Variants in NBAS observed in about 807,000 individuals in gnomAD.
NBAS encodes the protein NAG/BC035112 fusion.
Under a neutral mutation model 302.5 loss-of-function variants are expected in NBAS, and 219 were observed. That is an observed-to-expected ratio of 0.72 (90% confidence interval 0.65 to 0.81). The LOEUF (loss-of-function observed/expected upper bound fraction) is 0.81. Among genes scored for constraint, NBAS ranks in the 30% least tolerant of loss-of-function variants. NBAS has a pLI of 0.00. For missense variants in NBAS, 2,932 were observed against 2,841.6 expected, an observed-to-expected ratio of 1.03 and a Z score of -0.72; for synonymous variants, 1,118 against 1,021.6, an observed-to-expected ratio of 1.09 and a Z score of -1.80.
chr2:14,801,643 T>G, the NBAS span, among the ~76,000 whole-genome samples: 1 of 152,152 alleles, frequency 6.6e-6, no homozygotes, highest in Non-Finnish European at 1.5e-5. Context: ...TTCAATGTTT[T>G]TTTCCTTTTA....
intron 43 of NBAS, 106 bp downstream of exon 43, chr2:15,276,745 T>C: frequency 6.4e-7 from 1 of 1,551,116 alleles, no homozygotes; most frequent in East Asian, 2.3e-5. Context: ...AATTCTGTGG[T>C]TTCAGAGCTC....
At chr2:15,194,041 T>C (rs1265234256) in intron 48 of NBAS, among the ~76,000 whole-genome samples, 1 of 150,604 alleles carries the variant, frequency 6.6e-6, no homozygotes, top group Admixed American at 6.6e-5. Context: ...CCAGACCTAG[T>C]ATTTCCCAAT....
Position 15,330,669 on chromosome 2 carries a change from T to A in NBAS, c.4276A>T (p.Lys1426Ter). 1.2e-6 allele frequency: 2 copies of A among 1,614,124 alleles called. No homozygotes were observed. Among genetic ancestry groups the A allele is most frequent in the Non-Finnish European group, 1.7e-6 (2 of 1,179,970 alleles). The change falls in exon 36 of 52, where the codon AAA (lysine) becomes TAA (stop). Residue 1426 changes from lysine to a stop codon, truncating the protein, a stop_gained. Coordinates refer to ENST00000281513, the MANE Select transcript of NBAS (RefSeq NM_015909.4). LOFTEE classifies it high-confidence loss of function. ...TCACTGACGGCCTGCAGCACCGCTT[T>A]GGTGGTGGTTGTGGTGTTGGAAAGG... ...KVLSNTTTTTKAVLQAVSDGQ... is the reference protein window; with the variant it reads ...KVLSNTTTTT
At chr2:15,338,106 G>A (rs181445780) in intron 35 of NBAS, among the ~76,000 whole-genome samples, 34 of 152,142 alleles carry the variant, frequency 2.2e-4, no homozygotes, top group Admixed American at 2.2e-3. Context: ...AAGTTCACAA[G>A]AACATGGATA....
chr2:14,937,273 C>T, the NBAS span, among the ~76,000 whole-genome samples: 1 of 152,280 alleles, frequency 6.6e-6, no homozygotes, highest in South Asian at 2.1e-4. Flanking sequence ...GGATTCAAAT[C>T]CCGGCACTGC....
At chr2:15,538,328 C>A in intron 7 of NBAS, 1 of 477,896 alleles carries the variant, frequency 2.1e-6, no homozygotes, top group Non-Finnish European at 4.2e-6. Context: ...CTAAGATTCC[C>A]AGAATATGAG....
chr2:15,187,845 G>C (rs1459248908), intron 49 of NBAS, among the ~76,000 whole-genome samples: 1 of 152,218 alleles, frequency 6.6e-6, no homozygotes. Flanking sequence ...AAGTGCAACA[G>C]TAACAAGGGG....
chr2:15,027,543 G>A, the NBAS span, among the ~76,000 whole-genome samples: 1 of 151,802 alleles, frequency 6.6e-6, no homozygotes, highest in Non-Finnish European at 1.5e-5. Context: ...AGAATCTCTT[G>A]GGTTTTTTAG....
chr2:15,479,199 G>T (rs1044696528), intron 12 of NBAS, among the ~76,000 whole-genome samples: 3 of 151,834 alleles, frequency 2.0e-5, no homozygotes, highest in Non-Finnish European at 2.9e-5. Flanking sequence ...CAGAAGACAC[G>T]GTCTTAAACT....
chr2:15,182,145 T>C (rs1572407339), intron 50 of NBAS, among the ~76,000 whole-genome samples: 1 of 152,228 alleles, frequency 6.6e-6, no homozygotes, highest in Non-Finnish European at 1.5e-5. Context: ...GCTTTGGTTT[T>C]GTGTTCTCCA....
intron 6 of NBAS, among the ~76,000 whole-genome samples, chr2:15,542,967 G>GT (rs1663922637): frequency 6.6e-6 from 1 of 152,094 alleles, no homozygotes; most frequent in Non-Finnish European, 1.5e-5. Context: ...TCATTACAAG[G>GT]TAAGATTTCA....
At chr2:15,523,593 C>A (rs1342318339) in intron 9 of NBAS, among the ~76,000 whole-genome samples, 1 of 152,074 alleles carries the variant, frequency 6.6e-6, no homozygotes, top group Admixed American at 6.6e-5. Flanking sequence ...TCCACAGATA[C>A]CAAGGAAGGA....
the NBAS span, among the ~76,000 whole-genome samples, chr2:15,013,390 T>C: frequency 3.3e-4 from 50 of 152,302 alleles, no homozygotes; most frequent in East Asian, 7.7e-4. Context: ...AAAGAGAATA[T>C]ACAAAATAAT....
At chr2:14,923,940 C>T in the NBAS span, among the ~76,000 whole-genome samples, 1 of 152,156 alleles carries the variant, frequency 6.6e-6, no homozygotes, top group Non-Finnish European at 1.5e-5. Flanking sequence ...CAGTAATTCA[C>T]AGCAGATGGA....
the NBAS span, among the ~76,000 whole-genome samples, chr2:15,001,239 A>T: frequency 6.6e-6 from 1 of 152,134 alleles, no homozygotes; most frequent in Non-Finnish European, 1.5e-5. Flanking sequence ...GGATTTTCAC[A>T]TATATACACA....
At chr2:15,133,991 T>G in the NBAS span, among the ~76,000 whole-genome samples, 1 of 151,822 alleles carries the variant, frequency 6.6e-6, no homozygotes, top group Admixed American at 6.6e-5. Context: ...CCCACTTCCA[T>G]GCCCACTGCC....
intron 40 of NBAS, among the ~76,000 whole-genome samples, chr2:15,294,591 C>A (rs1670462425): frequency 6.6e-6 from 1 of 152,178 alleles, no homozygotes; most frequent in South Asian, 2.1e-4. Context: ...AGTTCCCTGA[C>A]CCAGGGATGC....
rs746504972 is a variant in NBAS at position 15,473,363 on chromosome 2, C to T, written c.1600-16G>A. The T allele has an allele frequency of 2.5e-5, 40 of 1,612,910 alleles. No homozygotes were observed. The East Asian group carries it at 3.1e-4, about 13-fold the overall frequency. ...CACTTTCAATCTTCAGATAAAAACA[C>T]GAGGACAGGAATGTTACATGACTGA... is the stretch of plus-strand genomic sequence containing the variant. On this transcript the variant is annotated splice_polypyrimidine_tract_variant and intron_variant, in intron 15 of 51. Transcript: ENST00000281513.
intron 48 of NBAS, among the ~76,000 whole-genome samples, chr2:15,214,813 T>C (rs573574457): frequency 2.6e-5 from 4 of 152,268 alleles, no homozygotes; most frequent in African/African-American, 9.6e-5. Flanking sequence ...AAAAGAAGGG[T>C]TAATATGTCC....
Sources: gnomAD v4.1 joint callset for allele counts (sites outside exome capture counted in the v4.1 genomes callset) on GRCh38, gnomAD v4.1.1 for gene constraint, MANE v1.5 for transcripts, NCBI Gene and HGNC (gene_info 2026-07-23, HGNC 2026-07-21) for gene names.